CADM1: variants seen among roughly 807,000 people sequenced by gnomAD.
CADM1 encodes the protein TSLC-1.
CADM1 carries 15 observed loss-of-function variants against 53.1 expected under a neutral mutation model. That is an observed-to-expected ratio of 0.28 (90% confidence interval 0.19 to 0.44). CADM1 has a LOEUF of 0.44. Ranked by LOEUF, CADM1 falls within the 20% of genes least tolerant of loss-of-function variation. The pLI is 1.00. For synonymous variants in CADM1, 281 were observed against 243.0 expected (o/e 1.16, Z -1.45); for missense variants, 434 against 611.3 (o/e 0.71, Z 3.06).
intron 1 of CADM1, among the ~76,000 whole-genome samples, chr11:115,268,026 C>A (rs1943195108): frequency 6.6e-6 from 1 of 152,234 alleles, no homozygotes; most frequent in Admixed American, 6.5e-5. Context: ...TTTCACACAG[C>A]TGCTCGCTTC....
At chr11:115,285,495 A>G (rs562677256) in intron 1 of CADM1, among the ~76,000 whole-genome samples, 33 of 152,324 alleles carry the variant, frequency 2.2e-4, no homozygotes, top group African/African-American at 7.2e-4. Context: ...GCTAGTAAGG[A>G]GTGAAGTCTG....
chr11:115,462,084 C>G (rs1397163534), intron 1 of CADM1, among the ~76,000 whole-genome samples: 1 of 152,112 alleles, frequency 6.6e-6, no homozygotes, highest in East Asian at 1.9e-4. Context: ...CAAAGAGGTA[C>G]AGGCAGTGCT....
At chr11:115,435,730 C>CA (rs1948169799) in intron 1 of CADM1, among the ~76,000 whole-genome samples, 1 of 152,016 alleles carries the variant, frequency 6.6e-6, no homozygotes, top group African/African-American at 2.4e-5. Context: ...GACTCCGTCT[C>CA]AAAAAATAAA....
intron 1 of CADM1, among the ~76,000 whole-genome samples, chr11:115,280,845 T>C (rs1384097049): frequency 1.3e-5 from 2 of 152,302 alleles, no homozygotes; most frequent in African/African-American, 2.4e-5. Flanking sequence ...ACCTAGGAAT[T>C]TGGTCTTTCA....
intron 10 of CADM1, among the ~76,000 whole-genome samples, chr11:115,182,547 T>C (rs894405317): frequency 9.2e-5 from 14 of 152,332 alleles, no homozygotes; most frequent in African/African-American, 3.1e-4. Flanking sequence ...ATTTCACATG[T>C]GACCTCAGGT....
intron 1 of CADM1, among the ~76,000 whole-genome samples, chr11:115,340,647 TATATATATA>T (rs1465299731): frequency 3.6e-4 from 15 of 41,372 alleles, no homozygotes; most frequent in East Asian, 5.3e-4. Context: ...TATATATATA[TATATATATA>T]TATTTTTTTT....
intron 1 of CADM1, among the ~76,000 whole-genome samples, chr11:115,338,649 C>T (rs1945329929): frequency 6.6e-6 from 1 of 152,116 alleles, no homozygotes; most frequent in African/African-American, 2.4e-5. Flanking sequence ...TCTCCGCCTG[C>T]ATAACTGGTT....
At chr11:115,200,179 G>A (rs187445825) in intron 8 of CADM1, among the ~76,000 whole-genome samples, 220 of 152,256 alleles carry the variant, frequency 1.4e-3, no homozygotes, top group African/African-American at 5.1e-3. Flanking sequence ...ACAATATACC[G>A]CATAAGAACA....
At chr11:115,460,773 TAGAA>T (rs1314700447) in intron 1 of CADM1, among the ~76,000 whole-genome samples, 10 of 148,678 alleles carry the variant, frequency 6.7e-5, no homozygotes, top group Non-Finnish European at 1.3e-4. Flanking sequence ...GCCTATGCAC[TAGAA>T]AGAAAGAAAA....
At chr11:115,265,767 C>T (rs1483950042) in intron 1 of CADM1, among the ~76,000 whole-genome samples, 1 of 152,172 alleles carries the variant, frequency 6.6e-6, no homozygotes, top group African/African-American at 2.4e-5. Flanking sequence ...AAATATATGG[C>T]TGTACATTCA....
chr11:115,190,777 G>A, intron 10 of CADM1, 111 bp downstream of exon 10: 2 of 853,484 alleles, frequency 2.3e-6, no homozygotes, highest in Non-Finnish European at 3.7e-6. Context: ...TTTTTTGTTA[G>A]TCTCAAAATC....
intron 1 of CADM1, among the ~76,000 whole-genome samples, chr11:115,467,346 G>A (rs775105405): frequency 6.6e-6 from 1 of 152,130 alleles, no homozygotes; most frequent in African/African-American, 2.4e-5. Flanking sequence ...GCTCGAATAC[G>A]CAAACCCAAC....
intron 1 of CADM1, among the ~76,000 whole-genome samples, chr11:115,291,095 T>C (rs1418761086): frequency 1.3e-5 from 2 of 152,160 alleles, no homozygotes; most frequent in African/African-American, 2.4e-5. Context: ...TTTATGGGCA[T>C]GGAGGAGGCT....
chr11:115,430,845 C>T (rs1948029739), intron 1 of CADM1, among the ~76,000 whole-genome samples: 1 of 152,124 alleles, frequency 6.6e-6, no homozygotes, highest in African/African-American at 2.4e-5. Context: ...GAATAAAAGA[C>T]TCTCTAGTAT....
chr11:115,211,769 G>A (rs188289015), intron 7 of CADM1, among the ~76,000 whole-genome samples: 7 of 151,850 alleles, frequency 4.6e-5, no homozygotes, highest in Admixed American at 3.3e-4. Context: ...GATTACAGGC[G>A]TGAGCCACCA....
In CADM1 at chr11:115,504,308, C is replaced by A. The variant is rs1324641937; in HGVS notation, c.87G>T (p.Leu29=). The A allele has an allele frequency of 9.0e-6, 14 of 1,562,438 alleles. No homozygotes were observed. The highest frequency in any genetic ancestry group is 1.2e-5 in the Non-Finnish European group (14 of 1,154,188). ...AAPPGLRLRL[L]LLLFSAAALI... ...GTGCCGCGGCGGAGAAGAGCAACAG[C>A]AGAAGCCGGAGCCGGAGCCCGGGAG... The change falls in exon 1 of 12, where the codon CTG becomes CTT. Residue 29 remains leucine, a synonymous_variant. Coordinates refer to ENST00000331581, the MANE Select transcript of CADM1 (RefSeq NM_001301043.2).
intron 1 of CADM1, among the ~76,000 whole-genome samples, chr11:115,487,158 A>AT (rs1179646295): frequency 6.6e-6 from 1 of 152,218 alleles, no homozygotes; most frequent in African/African-American, 2.4e-5. Context: ...TTTTTAAACC[A>AT]TTTTTTAAAA....
intron 1 of CADM1, among the ~76,000 whole-genome samples, chr11:115,503,284 G>A (rs1949772458): frequency 6.6e-6 from 1 of 152,208 alleles, no homozygotes; most frequent in Non-Finnish European, 1.5e-5. Context: ...CCACACATCG[G>A]GCTCCAGCCG....
At chr11:115,177,687 G>A (rs1198604491) in intron 11 of CADM1, among the ~76,000 whole-genome samples, 3 of 151,916 alleles carry the variant, frequency 2.0e-5, no homozygotes, top group Non-Finnish European at 2.9e-5. Flanking sequence ...GCTTACCACC[G>A]AGAGGCTGGG....
Sources: gnomAD v4.1 joint callset for allele counts (sites outside exome capture counted in the v4.1 genomes callset) on GRCh38, gnomAD v4.1.1 for gene constraint, MANE v1.5 for transcripts, NCBI Gene and HGNC (gene_info 2026-07-23, HGNC 2026-07-21) for gene names.